The following STARD6 variants were observed in gnomAD, a reference collection of about 807,000 sequenced individuals.
STARD6 encodes the protein stAR-related lipid transfer protein 6.
A neutral mutation model predicts 22.3 loss-of-function variants in STARD6; 21 were observed. The ratio of observed to expected loss-of-function variants is 0.94; its 90% CI spans 0.67 to 1.35. The LOEUF (loss-of-function observed/expected upper bound fraction) is 1.35. Ranked by LOEUF, STARD6 falls within the 40% of genes most tolerant of loss-of-function variation. The pLI, the probability that STARD6 is intolerant of heterozygous loss-of-function variation, is 0.00. For synonymous variants in STARD6, 80 were observed against 88.1 expected, an observed-to-expected ratio of 0.91 and a Z score of 0.52; for missense variants, 269 against 266.9, an observed-to-expected ratio of 1.01 and a Z score of -0.05.
At chr18:54,335,476 G>C (rs1271209373) in intron 5 of STARD6, among the ~76,000 whole-genome samples, 1 of 152,054 alleles carries the variant, frequency 6.6e-6, no homozygotes, top group Non-Finnish European at 1.5e-5. Flanking sequence ...TTACAGGTGT[G>C]AGCCACCGCG....
intron 4 of STARD6, 71 bp from the exon 5 acceptor site, chr18:54,337,322 A>G: frequency 1.4e-6 from 2 of 1,438,116 alleles, no homozygotes; most frequent in South Asian, 1.4e-5. Flanking sequence ...TAATACTATC[A>G]AAGCATAAAG....
At chr18:54,335,095 C>T (rs1426636059) in intron 5 of STARD6, among the ~76,000 whole-genome samples, 1 of 152,096 alleles carries the variant, frequency 6.6e-6, no homozygotes, top group Non-Finnish European at 1.5e-5. Flanking sequence ...AAAACACAAA[C>T]AACTGGAATG....
chr18:54,345,850 A>G (rs2089028770), intron 4 of STARD6, among the ~76,000 whole-genome samples: 1 of 152,158 alleles, frequency 6.6e-6, no homozygotes, highest in African/African-American at 2.4e-5. Flanking sequence ...TCTCCAACAA[A>G]TAGTGCTGGG....
intron 7 of STARD6, among the ~76,000 whole-genome samples, chr18:54,327,600 A>T (rs567967467): frequency 1.2e-3 from 177 of 152,278 alleles, no homozygotes; most frequent in Middle Eastern, 6.8e-3. Flanking sequence ...ACCGCTTTTT[A>T]AAAAATGTCA....
rs535300609 is a variant in STARD6 at position 54,327,609 on chromosome 18, C to G, written c.479+1738G>C. Among the ~76,000 whole-genome samples, 3 of 152,122 alleles carry G rather than the reference C, an allele frequency of 2.0e-5. No homozygotes were observed. In the East Asian group the frequency reaches 5.8e-4, roughly 29 times the overall value. Reference sequence around the variant, plus strand: ...GGTATAACCGCTTTTTAAAAAATGTCAATGTTTAGCGCATGCTGGGAATTG... The same window carrying G: ...GGTATAACCGCTTTTTAAAAAATGTGAATGTTTAGCGCATGCTGGGAATTG... On this transcript the variant is annotated intron_variant, in intron 7 of 7. Coordinates refer to ENST00000307844, the MANE Select transcript of STARD6 (RefSeq NM_139171.2).
intron 5 of STARD6, among the ~76,000 whole-genome samples, chr18:54,334,905 C>T (rs1362731668): frequency 6.6e-6 from 1 of 151,988 alleles, no homozygotes; most frequent in Non-Finnish European, 1.5e-5. Flanking sequence ...CTTATGTGTC[C>T]CTAGTGAACT....
Position 54,329,411 on chromosome 18 carries a change from G to A in STARD6, c.415C>T (p.Pro139Ser), listed in dbSNP as rs1257511221. 2.5e-6 allele frequency: 4 copies of A among 1,602,810 alleles called. No individual in the cohort carries two copies. In the African/African-American group the frequency reaches 5.4e-5, roughly 22 times the overall value. The change falls in exon 7 of 8, where the codon CCA (proline) becomes TCA (serine). Residue 139 changes from proline (P) to serine (S), a missense_variant. Transcript: ENST00000307844. ...TAACCGCGGATATAATTTGAAGATG[G>A]AGGATATTCTGGAAAATCCACACTT... Reference protein sequence around the residue: ...SKSVDFPEYPPSSNYIRGYNH... With the variant: ...SKSVDFPEYPSSSNYIRGYNH...
At chr18:54,335,937 C>G (rs2088907323) in intron 5 of STARD6, among the ~76,000 whole-genome samples, 1 of 152,100 alleles carries the variant, frequency 6.6e-6, no homozygotes, top group South Asian at 2.1e-4. Context: ...TCATAAATTA[C>G]CCAGTCTCAG....
Position 54,329,443 on chromosome 18 carries a change from A to G in STARD6, c.386-3T>C. On this transcript the variant is annotated splice_region_variant and splice_polypyrimidine_tract_variant and intron_variant, in intron 6 of 7. Transcript: ENST00000307844. ...TTCTGGAAAATCCACACTTTTAGCT[A>G]AGAGATTTTAAAAAATTAAAATGAA... 6.3e-7 allele frequency: 1 copy of G among 1,586,738 alleles called. No homozygotes were observed. The highest frequency in any genetic ancestry group is 8.5e-7 in the Non-Finnish European group (1 of 1,170,694).
chr18:54,341,888 A>G (rs1283984204), intron 4 of STARD6, among the ~76,000 whole-genome samples: 3 of 152,178 alleles, frequency 2.0e-5, no homozygotes, highest in Non-Finnish European at 4.4e-5. Context: ...AACTAAACCC[A>G]AAGCTAGCAG....
intron 5 of STARD6, among the ~76,000 whole-genome samples, chr18:54,334,613 T>A (rs1408643460): frequency 6.6e-6 from 1 of 151,976 alleles, no homozygotes; most frequent in Non-Finnish European, 1.5e-5. Flanking sequence ...TTACCCTGTG[T>A]CTGCTACTCT....
intron 7 of STARD6, 101 bp downstream of exon 7, chr18:54,329,246 A>G (rs2088847365): frequency 3.4e-6 from 3 of 880,396 alleles, no homozygotes; most frequent in Admixed American, 2.8e-5. Context: ...GCAACAGAAT[A>G]TGCTGCTACA....
At chr18:54,349,974 A>G (rs1250614300) in intron 4 of STARD6, among the ~76,000 whole-genome samples, 4 of 152,048 alleles carry the variant, frequency 2.6e-5, no homozygotes, top group Non-Finnish European at 5.9e-5. Flanking sequence ...TCATATAATG[A>G]CTTCTTTTCC....
intron 3 of STARD6, 85 bp from the exon 4 acceptor site, chr18:54,354,188 T>A (rs2144699276): frequency 3.3e-6 from 3 of 900,086 alleles, no homozygotes; most frequent in Non-Finnish European, 5.1e-6. Context: ...GTAAAAACAC[T>A]TTTTTTTCTG....
intron 5 of STARD6, among the ~76,000 whole-genome samples, chr18:54,334,157 T>G (rs2088889322): frequency 1.3e-5 from 2 of 152,216 alleles, no homozygotes; most frequent in Non-Finnish European, 2.9e-5. Flanking sequence ...CCTGCATCAG[T>G]AAGCCCTATT....
chr18:54,347,566 C>T (rs1032903695), intron 4 of STARD6, among the ~76,000 whole-genome samples: 12 of 152,042 alleles, frequency 7.9e-5, no homozygotes, highest in Non-Finnish European at 1.5e-4. Context: ...TTAAGTTTTT[C>T]ATAAAATGGA....
At chr18:54,348,653 A>G (rs537868100) in intron 4 of STARD6, among the ~76,000 whole-genome samples, 4 of 152,284 alleles carry the variant, frequency 2.6e-5, no homozygotes, top group African/African-American at 9.6e-5. Flanking sequence ...ATGAAAGAAA[A>G]GTATTTAGCA....
chr18:54,333,279 C>G (rs1002633313), intron 5 of STARD6, among the ~76,000 whole-genome samples: 1 of 152,090 alleles, frequency 6.6e-6, no homozygotes, highest in Non-Finnish European at 1.5e-5. Context: ...GAAACTCTGT[C>G]TCTACTAAAA....
intron 5 of STARD6, among the ~76,000 whole-genome samples, chr18:54,335,774 C>T (rs1318826684): frequency 6.6e-6 from 1 of 152,124 alleles, no homozygotes; most frequent in African/African-American, 2.4e-5. Flanking sequence ...AGTTCCCTCT[C>T]TCCTGTTCTG....
Sources: gnomAD v4.1 joint callset for allele counts (sites outside exome capture counted in the v4.1 genomes callset) on GRCh38, gnomAD v4.1.1 for gene constraint, MANE v1.5 for transcripts, NCBI Gene and HGNC (gene_info 2026-07-23, HGNC 2026-07-21) for gene names.